Variants in RPS6KA2 observed in about 807,000 individuals in gnomAD.
RPS6KA2 encodes the protein ribosomal protein S6 kinase A2, also known as ribosomal protein S6 kinase alpha-2.
RPS6KA2 carries 42 observed loss-of-function variants against 91.8 expected under a neutral mutation model. The ratio of observed to expected loss-of-function variants is 0.46; its 90% CI spans 0.36 to 0.59. RPS6KA2 has a LOEUF of 0.59. Among genes scored for constraint, RPS6KA2 ranks in the 20% least tolerant of loss-of-function variants. The pLI is 0.00. For missense variants in RPS6KA2, 798 were observed against 978.5 expected, an observed-to-expected ratio of 0.82 and a Z score of 2.46; for synonymous variants, 414 against 393.6, an observed-to-expected ratio of 1.05 and a Z score of -0.61.
At chr6:166,466,178 C>A (rs915445950) in intron 11 of RPS6KA2, among the ~76,000 whole-genome samples, 1 of 152,234 alleles carries the variant, frequency 6.6e-6, no homozygotes, top group Non-Finnish European at 1.5e-5. Context: ...AGAAATGCCA[C>A]CTTCTTGGGT....
At chr6:166,799,799 T>C (rs1341636974) in intron 2 of RPS6KA2, among the ~76,000 whole-genome samples, 1 of 152,128 alleles carries the variant, frequency 6.6e-6, no homozygotes, top group Non-Finnish European at 1.5e-5. Context: ...ACAGGCGGTG[T>C]TTGGTTCCAT....
At chr6:166,605,263 A>T (rs956851448) in intron 1 of RPS6KA2, among the ~76,000 whole-genome samples, 1 of 152,200 alleles carries the variant, frequency 6.6e-6, no homozygotes, top group African/African-American at 2.4e-5. Context: ...TGCAATCTAC[A>T]ACAGGTAGAT....
chr6:166,772,318 T>C (rs537572962), intron 2 of RPS6KA2, among the ~76,000 whole-genome samples: 1 of 145,892 alleles, frequency 6.9e-6, no homozygotes, highest in South Asian at 2.3e-4. Flanking sequence ...CCCCTTGTCC[T>C]GGGATGGCCA....
At chr6:166,682,472 A>G (rs1788855593) in intron 2 of RPS6KA2, among the ~76,000 whole-genome samples, 1 of 152,170 alleles carries the variant, frequency 6.6e-6, no homozygotes, top group Non-Finnish European at 1.5e-5. Flanking sequence ...GGAAGCATAG[A>G]GAGGGTGAGA....
intron 2 of RPS6KA2, among the ~76,000 whole-genome samples, chr6:166,813,440 C>T (rs920399544): frequency 5.9e-5 from 9 of 152,124 alleles, no homozygotes; most frequent in Admixed American, 6.5e-5. Flanking sequence ...ATTTGTTTTC[C>T]GAGTTCATTG....
intron 2 of RPS6KA2, among the ~76,000 whole-genome samples, chr6:166,684,581 C>A (rs1192893739): frequency 1.3e-5 from 2 of 152,126 alleles, no homozygotes; most frequent in East Asian, 3.9e-4. Flanking sequence ...CCTGCATCAC[C>A]AGGAAGACCA....
chr6:166,517,451 T>TTTTG (rs1444219475), intron 3 of RPS6KA2, among the ~76,000 whole-genome samples: 2 of 109,462 alleles, frequency 1.8e-5, no homozygotes, highest in African/African-American at 9.7e-5. Flanking sequence ...CGTTCTTTTG[T>TTTTG]TTTGTTTTTT....
chr6:166,536,263 G>A (rs1471842402), intron 2 of RPS6KA2, among the ~76,000 whole-genome samples: 1 of 152,246 alleles, frequency 6.6e-6, no homozygotes, highest in African/African-American at 2.4e-5. Context: ...GCGGAGGCAG[G>A]AGGTGGAAAC....
chr6:166,417,626 C>G (rs1371255370), intron 19 of RPS6KA2, among the ~76,000 whole-genome samples: 1 of 149,468 alleles, frequency 6.7e-6, no homozygotes, highest in Non-Finnish European at 1.5e-5. Flanking sequence ...TCTATACACA[C>G]ACACACACAC....
chr6:166,585,607 G>T (rs1583302393), intron 1 of RPS6KA2, among the ~76,000 whole-genome samples: 1 of 64,862 alleles, frequency 1.5e-5, no homozygotes, highest in Non-Finnish European at 2.3e-5. Flanking sequence ...GAATCACAAA[G>T]TACCATAGTC....
intron 1 of RPS6KA2, among the ~76,000 whole-genome samples, chr6:166,588,631 A>G (rs983606096): frequency 2.0e-5 from 3 of 152,154 alleles, no homozygotes; most frequent in African/African-American, 4.8e-5. Context: ...CATAATTCCT[A>G]TTTGTACAGA....
At chr6:166,525,795 G>A (rs1008011454) in intron 3 of RPS6KA2, among the ~76,000 whole-genome samples, 3 of 152,160 alleles carry the variant, frequency 2.0e-5, no homozygotes, top group Admixed American at 6.5e-5. Context: ...GTTACCATGC[G>A]TTCCTTCTTT....
At chr6:166,669,266 C>T (rs998406466) in intron 2 of RPS6KA2, among the ~76,000 whole-genome samples, 4 of 152,146 alleles carry the variant, frequency 2.6e-5, no homozygotes, top group Non-Finnish European at 5.9e-5. Context: ...CCTGCTCCTT[C>T]CCCCGGGCTG....
Position 166,504,751 on chromosome 6 carries a change from A to G in RPS6KA2, c.460-139T>C, listed in dbSNP as rs1390607890. ...TCTGTGGAACGCTATGGCCCCCCAGAGTGGTCTTCTGACTCTTCTCATGGA... is the reference window on the plus strand; with the variant it reads ...TCTGTGGAACGCTATGGCCCCCCAGGGTGGTCTTCTGACTCTTCTCATGGA... On this transcript the variant is annotated intron_variant, in intron 5 of 20. Transcript: ENST00000265678. 31 of 593,442 alleles carry G rather than the reference A, an allele frequency of 5.2e-5. 1 individual carries two copies. In the South Asian group the frequency reaches 6.4e-4, roughly 12 times the overall value. The allele number at this position is 593,442 out of a possible 1,614,324, so 36.8% of individuals were successfully genotyped here.
intron 2 of RPS6KA2, among the ~76,000 whole-genome samples, chr6:166,681,694 C>T (rs1323759278): frequency 1.4e-5 from 1 of 72,042 alleles, no homozygotes; most frequent in Non-Finnish European, 2.7e-5. Flanking sequence ...CTGCCCGCCC[C>T]CCCCCCCGCC....
intron 2 of RPS6KA2, among the ~76,000 whole-genome samples, chr6:166,680,112 G>A (rs773437499): frequency 1.3e-5 from 2 of 151,204 alleles, no homozygotes; most frequent in East Asian, 1.9e-4. Flanking sequence ...GTTTGTAAAC[G>A]TGCCAATCAG....
chr6:166,544,509 T>G (rs1251311561), intron 1 of RPS6KA2: 1 of 152,104 alleles, frequency 6.6e-6, no homozygotes, highest in African/African-American at 2.4e-5. Flanking sequence ...TTTTTGTAAT[T>G]ACTAAAACGA....
intron 11 of RPS6KA2, among the ~76,000 whole-genome samples, chr6:166,464,702 G>A (rs943322512): frequency 2.6e-5 from 4 of 152,132 alleles, no homozygotes; most frequent in African/African-American, 7.2e-5. Context: ...CTTCAGCCAC[G>A]GGGGAAAAAC....
At chr6:166,424,572 C>T (rs1462675040) in intron 16 of RPS6KA2, among the ~76,000 whole-genome samples, 1 of 152,220 alleles carries the variant, frequency 6.6e-6, no homozygotes, top group African/African-American at 2.4e-5. Flanking sequence ...TGCCTGGAAC[C>T]AGAGAGTGGG....
Sources: allele counts gnomAD v4.1 joint callset (sites outside exome capture counted in the v4.1 genomes callset), GRCh38; gene constraint gnomAD v4.1.1; transcripts MANE v1.5; gene names NCBI Gene and HGNC (gene_info 2026-07-23, HGNC 2026-07-21).